PCCA: variants seen among roughly 807,000 people sequenced by gnomAD.
PCCA encodes the protein propionyl-CoA carboxylase subunit alpha.
Under a neutral mutation model 101.3 loss-of-function variants are expected in PCCA, and 74 were observed. The observed-to-expected ratio is 0.73, with a 90% CI of 0.61 to 0.89. The LOEUF (loss-of-function observed/expected upper bound fraction) is 0.89, where lower values mean the gene tolerates loss of function less well. Among genes scored for constraint, PCCA ranks in the 40% least tolerant of loss-of-function variants. The pLI is 0.00. For missense variants in PCCA, 891 were observed against 907.0 expected, an observed-to-expected ratio of 0.98 and a Z score of 0.23; for synonymous variants, 294 against 313.6, an observed-to-expected ratio of 0.94 and a Z score of 0.66.
In PCCA at chr13:100,320,319, T is replaced by C. The variant is rs1595315168; in HGVS notation, c.1430-10242T>C. On this transcript the variant is annotated intron_variant, in intron 16 of 23. Transcript: ENST00000376285. ...TTCCTAATTGAATACCCTTTATTTCTTTCTCCTGCCTGATTGCCCTGGCCA... is the reference window on the plus strand; with the variant it reads ...TTCCTAATTGAATACCCTTTATTTCCTTCTCCTGCCTGATTGCCCTGGCCA... Among the ~76,000 whole-genome samples the C allele has an allele frequency of 5.9e-5, 9 of 152,266 alleles. No homozygotes were observed. The South Asian group carries it at 1.9e-3, about 32-fold the overall frequency.
chr13:100,313,869 G>A (rs2067125446), intron 16 of PCCA, among the ~76,000 whole-genome samples: 1 of 152,052 alleles, frequency 6.6e-6, no homozygotes, highest in Admixed American at 6.5e-5. Flanking sequence ...TACACCCAAG[G>A]AAAATTGACA....
intron 7 of PCCA, among the ~76,000 whole-genome samples, chr13:100,231,946 T>A (rs1371589871): frequency 6.6e-6 from 1 of 152,188 alleles, no homozygotes; most frequent in African/African-American, 2.4e-5. Flanking sequence ...CGTTCAAATG[T>A]GTATTTCTGT....
chr13:100,409,595 G>C (rs2077904831), intron 19 of PCCA, among the ~76,000 whole-genome samples: 1 of 152,102 alleles, frequency 6.6e-6, no homozygotes, highest in African/African-American at 2.4e-5. Flanking sequence ...AGGCCAGTTG[G>C]AGTTTTTCCA....
intron 4 of PCCA, chr13:100,154,733 G>T (rs1026317977): frequency 2.1e-6 from 1 of 469,594 alleles, no homozygotes; most frequent in African/African-American, 2.0e-5. Flanking sequence ...TTTACATAAA[G>T]AGATAGGGGA....
chr13:100,362,966 T>C (rs145657131), intron 18 of PCCA, among the ~76,000 whole-genome samples: 12 of 152,352 alleles, frequency 7.9e-5, no homozygotes, highest in African/African-American at 2.9e-4. Flanking sequence ...TGAACTTTAA[T>C]GTTGGAGTGT....
At chr13:100,343,729 C>T (rs1025416309) in intron 18 of PCCA, among the ~76,000 whole-genome samples, 2 of 152,064 alleles carry the variant, frequency 1.3e-5, no homozygotes, top group Admixed American at 6.6e-5. Flanking sequence ...GCCAAAAGGC[C>T]GAGAAGTGAT....
intron 6 of PCCA, among the ~76,000 whole-genome samples, chr13:100,191,034 C>G (rs2057706307): frequency 1.3e-5 from 2 of 151,906 alleles, no homozygotes; most frequent in Non-Finnish European, 1.5e-5. Context: ...GGTGTCAAAG[C>G]TGCAGTGATC....
intron 19 of PCCA, among the ~76,000 whole-genome samples, chr13:100,389,903 G>A (rs1297523583): frequency 6.6e-6 from 1 of 152,200 alleles, no homozygotes; most frequent in Non-Finnish European, 1.5e-5. Context: ...AGGCTTGCCT[G>A]CAGGGAGTCG....
At chr13:100,288,448 C>T (rs1056189630) in intron 12 of PCCA, among the ~76,000 whole-genome samples, 1 of 152,198 alleles carries the variant, frequency 6.6e-6, no homozygotes, top group African/African-American at 2.4e-5. Flanking sequence ...AGGCATGCAT[C>T]ACCACGCCTG....
chr13:100,409,663 A>G (rs147664284), intron 19 of PCCA, among the ~76,000 whole-genome samples: 1 of 152,060 alleles, frequency 6.6e-6, no homozygotes, highest in African/African-American at 2.4e-5. Context: ...ACTGGTCCCT[A>G]CCTCCAGCAG....
At chr13:100,210,199 A>G (rs975543902) in intron 7 of PCCA, among the ~76,000 whole-genome samples, 3 of 152,180 alleles carry the variant, frequency 2.0e-5, no homozygotes, top group Admixed American at 2.0e-4. Flanking sequence ...GCTGGTCTCA[A>G]ACTCCTGGGC....
At chr13:100,428,876 T>C (rs780303163) in intron 20 of PCCA, among the ~76,000 whole-genome samples, 1 of 152,080 alleles carries the variant, frequency 6.6e-6, no homozygotes, top group Non-Finnish European at 1.5e-5. Flanking sequence ...ATTAAGGACA[T>C]AGGAGAGGCT....
At chr13:100,324,873 T>C (rs1233224261) in intron 16 of PCCA, among the ~76,000 whole-genome samples, 4 of 152,242 alleles carry the variant, frequency 2.6e-5, no homozygotes, top group Non-Finnish European at 4.4e-5. Flanking sequence ...TCATTGCTTA[T>C]GGTTCTGGAA....
chr13:100,473,678 G>C (rs1398439780), intron 21 of PCCA, among the ~76,000 whole-genome samples: 1 of 152,180 alleles, frequency 6.6e-6, no homozygotes, highest in African/African-American at 2.4e-5. Context: ...CGGGGTCGGT[G>C]ACCTCTAGAG....
chr13:100,419,150 A>G (rs754924589), intron 19 of PCCA, among the ~76,000 whole-genome samples: 1 of 152,024 alleles, frequency 6.6e-6, no homozygotes, highest in Non-Finnish European at 1.5e-5. Context: ...CCTGCTGACA[A>G]GTAAAGAATA....
intron 4 of PCCA, among the ~76,000 whole-genome samples, chr13:100,126,565 G>A (rs1387037943): frequency 2.0e-5 from 3 of 151,984 alleles, no homozygotes; most frequent in South Asian, 2.1e-4. Flanking sequence ...TTGCTGTAGC[G>A]GGGGGTCTCT....
chr13:100,091,157 A>C (rs1031836497), intron 1 of PCCA, among the ~76,000 whole-genome samples: 5 of 152,146 alleles, frequency 3.3e-5, no homozygotes, highest in Non-Finnish European at 5.9e-5. Context: ...TATAGATCAC[A>C]TTATGAGGTT....
intron 4 of PCCA, among the ~76,000 whole-genome samples, chr13:100,113,585 T>TTA (rs1174336169): frequency 1.3e-5 from 2 of 151,022 alleles, no homozygotes. Context: ...TCTTTCTTTT[T>TTA]TTTTTTTTTT....
intron 21 of PCCA, among the ~76,000 whole-genome samples, chr13:100,509,001 G>C (rs2086279200): frequency 6.6e-6 from 1 of 152,134 alleles, no homozygotes; most frequent in African/African-American, 2.4e-5. Flanking sequence ...ACTCTGTACA[G>C]TGAAAGGTGA....
Sources: allele counts gnomAD v4.1 joint callset (sites outside exome capture counted in the v4.1 genomes callset), GRCh38; gene constraint gnomAD v4.1.1; transcripts MANE v1.5; gene names NCBI Gene and HGNC (gene_info 2026-07-23, HGNC 2026-07-21).